Variants in CDH2 observed in about 807,000 individuals in gnomAD.
CDH2 encodes cadherin-2.
CDH2 carries 17 observed loss-of-function variants against 92.0 expected under a neutral mutation model. The ratio of observed to expected loss-of-function variants is 0.18; its 90% confidence interval spans 0.13 to 0.28. CDH2 has a LOEUF of 0.28. Ranked by LOEUF, CDH2 falls within the 10% of genes least tolerant of loss-of-function variation. The pLI is 1.00. For synonymous variants in CDH2, 419 were observed against 415.9 expected, an observed-to-expected ratio of 1.01 and a Z score of -0.09; for missense variants, 862 against 1,133.1, an observed-to-expected ratio of 0.76 and a Z score of 3.44.
rs151286577 is a variant in CDH2, at chr18:27,975,352, A to G, written c.2349+7592T>C. Among the ~76,000 whole-genome samples the G allele has an allele frequency of 6.3e-3, 965 of 152,304 alleles. 11 individuals are homozygous for G. Among genetic ancestry groups the G allele is most frequent in the African/African-American group, 0.022 (930 of 41,566 alleles). On this transcript the variant is annotated intron_variant, in intron 14 of 15. Transcript: ENST00000269141. ...CCCAGCATCAGCTTCAGTCTCTCAC[A>G]AGTTAACTCTGCCTGACAGAAAAGT...
chr18:27,939,552 C>A (rs1412950861), intron 6 of CDH2, among the ~76,000 whole-genome samples: 1 of 152,138 alleles, frequency 6.6e-6, no homozygotes, highest in Non-Finnish European at 1.5e-5. Context: ...GGCATCACTG[C>A]TTTCATTCAC....
At chr18:28,130,337 T>C (rs1488635994) in intron 2 of CDH2, among the ~76,000 whole-genome samples, 1 of 152,162 alleles carries the variant, frequency 6.6e-6, no homozygotes, top group Non-Finnish European at 1.5e-5. Context: ...GAAATGCTTT[T>C]CAAAGTGCAG....
chr18:27,988,516 G>A lies in CDH2; in HGVS notation c.1741+8C>T, dbSNP rs199889683. The A allele has an allele frequency of 1.2e-5, 19 of 1,610,302 alleles. No homozygotes were observed. The highest frequency in any genetic ancestry group is 7.7e-5 in the South Asian group (7 of 90,596). On this transcript the variant is annotated splice_region_variant and intron_variant, in intron 11 of 15. Coordinates refer to ENST00000269141, the MANE Select transcript of CDH2 (RefSeq NM_001792.5). ...TCATCAACATACAAGAAAAAACAGC[G>A]AACATACCATTGTCAGAAGCAAGGA... is the stretch of plus-strand genomic sequence containing the variant.
chr18:28,075,354 T>G (rs370093409), intron 2 of CDH2, among the ~76,000 whole-genome samples: 3 of 152,206 alleles, frequency 2.0e-5, no homozygotes, highest in East Asian at 3.9e-4. Context: ...CTAATAGAGC[T>G]TCAGTTTCTC....
chr18:28,019,983 T>A (rs1411665876), intron 2 of CDH2, among the ~76,000 whole-genome samples: 1 of 152,140 alleles, frequency 6.6e-6, no homozygotes, highest in African/African-American at 2.4e-5. Context: ...ACCTGGCTCA[T>A]GATTATATGC....
At chr18:28,036,569 CATA>C in intron 2 of CDH2, 1 of 1,568,918 alleles carries the variant, frequency 6.4e-7, no homozygotes, top group Non-Finnish European at 8.7e-7. Flanking sequence ...TTCCATTTCC[CATA>C]ATTCCTTCTG....
chr18:27,985,909 C>T (rs1354402195), intron 11 of CDH2, 148 bp from the exon 12 acceptor site: 4 of 583,366 alleles, frequency 6.9e-6, no homozygotes, highest in African/African-American at 1.9e-5. Context: ...CTGGGCAGAC[C>T]GTTTCCAGAA....
chr18:28,025,705 TTAC>T (rs1171489176), intron 2 of CDH2, among the ~76,000 whole-genome samples: 1 of 151,720 alleles, frequency 6.6e-6, no homozygotes, highest in Non-Finnish European at 1.5e-5. Flanking sequence ...ATCAGGGTAA[TTAC>T]CATAGCCATC....
In CDH2 at chr18:27,936,908, A is replaced by G. The variant is rs566345435; in HGVS notation, c.1152-3784T>C. ...AAAAAACTTGAGGTAGGAGACTGGC[A>G]TTTTGTTATGAAAGTAAAACACTCT... On this transcript the variant is annotated intron_variant, in intron 6 of 6. Coordinates refer to the CDH2 transcript ENST00000675173. 1.3e-5 allele frequency among the ~76,000 whole-genome samples: 2 copies of G among 152,312 alleles called. 1 individual carries two copies. Among genetic ancestry groups the G allele is most frequent in the African/African-American group, 4.8e-5 (2 of 41,590 alleles).
chr18:28,160,427 A>G (rs967935678), intron 1 of CDH2, among the ~76,000 whole-genome samples: 58 of 152,178 alleles, frequency 3.8e-4, no homozygotes, highest in Non-Finnish European at 1.3e-4. Context: ...AGACTAGTCA[A>G]TGAGCAATGT....
Position 27,951,847 on chromosome 18 carries a change from A to G in CDH2, c.*306T>C, listed in dbSNP as rs1369912948. 1 of 277,634 alleles carries G rather than the reference A, an allele frequency of 3.6e-6. No homozygotes were observed. The allele number at this position is 277,634 out of a possible 1,614,324, so 17.2% of individuals were successfully genotyped here. On this transcript the variant is annotated 3_prime_UTR_variant, in exon 16 of 16. Coordinates refer to ENST00000269141, the MANE Select transcript of CDH2 (RefSeq NM_001792.5). The stretch of plus-strand genomic sequence containing the variant: ...TATTTTGTCTTTTACTTATCGTTTC[A>G]GAAATCAGTACCATTAAAGCCTTAA...
chr18:28,006,072 A>C, intron 5 of CDH2, 79 bp from the exon 6 acceptor site: 1 of 1,144,416 alleles, frequency 8.7e-7, no homozygotes, highest in Non-Finnish European at 1.3e-6. Flanking sequence ...AAGGCTACAA[A>C]AATAGCAAGA....
chr18:27,978,617 G>C (rs535265239), intron 14 of CDH2, among the ~76,000 whole-genome samples: 15 of 150,686 alleles, frequency 1.0e-4, no homozygotes, highest in South Asian at 2.1e-4. Flanking sequence ...TAGTTGGGGG[G>C]GGGGATTCAT....
chr18:27,985,095 G>T lies in CDH2; in HGVS notation c.2114C>A (p.Ser705Tyr). ...GTCCACATCTGTGCAGTCCCCGTTG[G>T]AGTCACACTGGCAAACCTTCACACG... ...ILRVKVCQCDSNGDCTDVDRI... is the reference protein window; with the variant it reads ...ILRVKVCQCDYNGDCTDVDRI... The change falls in exon 13 of 16, where the codon TCC becomes TAC. Residue 705 changes from serine to tyrosine, a missense_variant. Coordinates refer to ENST00000269141, the MANE Select transcript of CDH2 (RefSeq NM_001792.5). The T allele has an allele frequency of 1.2e-6, 2 of 1,614,110 alleles. No homozygotes were observed. Among genetic ancestry groups the T allele is most frequent in the Non-Finnish European group, 1.7e-6 (2 of 1,179,970 alleles).
At chr18:27,969,803 G>T (rs1170373786) in intron 14 of CDH2, among the ~76,000 whole-genome samples, 2 of 152,154 alleles carry the variant, frequency 1.3e-5, no homozygotes, top group Non-Finnish European at 2.9e-5. Context: ...GATCACTTGA[G>T]GTCAGGAGTT....
intron 9 of CDH2, 46 bp from the exon 10 acceptor site, chr18:27,990,396 C>T: frequency 2.6e-6 from 4 of 1,562,142 alleles, no homozygotes; most frequent in Non-Finnish European, 3.5e-6. Flanking sequence ...AATAAGAATG[C>T]TTGCATTCTG....
chr18:27,963,803 C>A, intron 14 of CDH2: 1 of 336,682 alleles, frequency 3.0e-6, no homozygotes, highest in Non-Finnish European at 5.5e-6. Flanking sequence ...CACTATAAAA[C>A]AACTAAAAAA....
At chr18:27,936,163 G>A (rs1909014051) in intron 6 of CDH2, among the ~76,000 whole-genome samples, 1 of 152,200 alleles carries the variant, frequency 6.6e-6, no homozygotes, top group African/African-American at 2.4e-5. Context: ...ATAACCATCA[G>A]TCAAGGTTAG....
At chr18:28,073,725 T>A (rs953227393) in intron 2 of CDH2, among the ~76,000 whole-genome samples, 1 of 152,168 alleles carries the variant, frequency 6.6e-6, no homozygotes, top group Non-Finnish European at 1.5e-5. Flanking sequence ...ATCAAGCTAC[T>A]AGTGGGGGTG....
Sources: allele counts gnomAD v4.1 joint callset (sites outside exome capture counted in the v4.1 genomes callset), GRCh38; gene constraint gnomAD v4.1.1; transcripts MANE v1.5; gene names NCBI Gene and HGNC (gene_info 2026-07-23, HGNC 2026-07-21).